The following CPNE4 variants were observed in gnomAD, a reference collection of about 807,000 sequenced individuals.
CPNE4 encodes copine 4.
A neutral mutation model predicts 67.9 loss-of-function variants in CPNE4; 25 were observed. The observed-to-expected ratio is 0.37, with a 90% CI of 0.27 to 0.51. The LOEUF (loss-of-function observed/expected upper bound fraction) is 0.51. CPNE4 is among the 20% of genes least tolerant of loss of function. The pLI, the probability that CPNE4 is intolerant of heterozygous loss-of-function variation, is 0.93. For synonymous variants in CPNE4, 242 were observed against 244.9 expected (o/e 0.99, Z 0.11); for missense variants, 464 against 690.8 (o/e 0.67, Z 3.68).
Position 131,798,881 on chromosome 3 carries a change from A to G in CPNE4, c.181-75256T>C, listed in dbSNP as rs572355843. Among the ~76,000 whole-genome samples the G allele has an allele frequency of 3.9e-5, 6 of 152,274 alleles. No homozygotes were observed. The South Asian group carries it at 1.2e-3, about 32-fold the overall frequency. ...TTCACCAAGAAAAGTGATTACTTGG[A>G]AGCTTTTATTTTTCCATCTTCACTT... On this transcript the variant is annotated intron_variant, in intron 2 of 15. Transcript: ENST00000429747.
chr3:131,760,670 T>C (rs754423279), intron 2 of CPNE4, among the ~76,000 whole-genome samples: 1 of 152,156 alleles, frequency 6.6e-6, no homozygotes, highest in Non-Finnish European at 1.5e-5. Context: ...CATTTTGCTA[T>C]TGAGGATGAT....
At chr3:131,973,437 A>G (rs973792521) in intron 1 of CPNE4, among the ~76,000 whole-genome samples, 7 of 152,356 alleles carry the variant, frequency 4.6e-5, no homozygotes, top group South Asian at 2.1e-4. Flanking sequence ...TGATATTTCT[A>G]TAGCCTCTGA....
chr3:131,734,972 T>C (rs1214541249), intron 2 of CPNE4, among the ~76,000 whole-genome samples: 1 of 152,160 alleles, frequency 6.6e-6, no homozygotes, highest in African/African-American at 2.4e-5. Flanking sequence ...CTATATCACC[T>C]GATTCCTGGT....
In CPNE4 at chr3:131,991,768, G is replaced by A. The variant is rs562350512; in HGVS notation, c.-2+42799C>T. On this transcript the variant is annotated intron_variant, in intron 1 of 15. Coordinates refer to ENST00000429747, the MANE Select transcript of CPNE4 (RefSeq NM_130808.3). ...TCCCATCACAGGCCCAGAGGTCTAG[G>A]AGGGAAAAATTGTTTCCTAGGCTGG... is the stretch of plus-strand genomic sequence containing the variant. Among the ~76,000 whole-genome samples, 176 of 134,938 alleles carry A rather than the reference G, an allele frequency of 1.3e-3. 37 individuals carry two copies. The highest frequency in any genetic ancestry group is 7.6e-3 in the Middle Eastern group (2 of 262). The allele number at this position is 134,938 out of a possible 152,430, so 88.5% of individuals were successfully genotyped here.
rs565384937 is a variant in CPNE4 at position 131,568,932 on chromosome 3, G to GCTTT, written c.928-4587_928-4584dup. Among the ~76,000 whole-genome samples the GCTTT allele has an allele frequency of 1.8e-3, 274 of 152,102 alleles. 1 individual carries two copies. Among genetic ancestry groups the GCTTT allele is most frequent in the African/African-American group, 6.3e-3 (261 of 41,522 alleles). ...ACCTTTGGGACCACATTCTTGGGGA[G>GCTTT]CTTTCTTTCTTTTCTTTTTAAATAG... On this transcript the variant is annotated intron_variant, in intron 10 of 15. Transcript: ENST00000429747.
At chr3:131,707,520 G>A (rs2081443295) in intron 3 of CPNE4, among the ~76,000 whole-genome samples, 2 of 152,082 alleles carry the variant, frequency 1.3e-5, no homozygotes, top group African/African-American at 4.8e-5. Flanking sequence ...ATATTTTTGG[G>A]GGCCACTGTT....
In CPNE4 at chr3:131,549,948, G is replaced by A. The variant is rs1353586941; in HGVS notation, c.1301C>T (p.Ser434Leu). The change falls in exon 14 of 16, where the codon TCG becomes TTG. Residue 434 changes from serine to leucine, a missense_variant and splice_region_variant. Coordinates refer to ENST00000429747, the MANE Select transcript of CPNE4 (RefSeq NM_130808.3). ...ASEETNTKEA[S>L]QYFILLILTD... ...GGAGGCAAATAGCCCCCTCCTTACC[G>A]ATGCCTCCTTGGTGTTAGTTTCCTC... The A allele has an allele frequency of 1.2e-6, 2 of 1,612,862 alleles. No homozygotes were observed. The highest frequency in any genetic ancestry group is 1.7e-6 in the Non-Finnish European group (2 of 1,179,230).
chr3:131,565,252 TA>T (rs1936996260), intron 10 of CPNE4, among the ~76,000 whole-genome samples: 1 of 152,008 alleles, frequency 6.6e-6, no homozygotes, highest in Non-Finnish European at 1.5e-5. Flanking sequence ...GGAAGAAGGT[TA>T]AAATAAAAGT....
chr3:131,938,687 C>T (rs1056265399), intron 1 of CPNE4, among the ~76,000 whole-genome samples: 7 of 152,080 alleles, frequency 4.6e-5, no homozygotes, highest in Non-Finnish European at 8.8e-5. Context: ...CTTGTGCGAA[C>T]TCCCGCACTA....
In CPNE4 at chr3:131,905,341, T is replaced by C. The variant is rs1457179211; in HGVS notation, c.103A>G (p.Ile35Val). The change falls in exon 2 of 16, where the codon ATT becomes GTT. Residue 35 changes from isoleucine (I) to valine (V), a missense_variant. Coordinates refer to ENST00000429747, the MANE Select transcript of CPNE4 (RefSeq NM_130808.3). ...TTGGAAAGGGCATCTCTGTCAGAAA[T>C]GCCTTTGCACGCCACACGCAGCTCA... is the stretch of plus-strand genomic sequence containing the variant. ...KVELRVACKG[I>V]SDRDALSKPD... The C allele has an allele frequency of 6.2e-7, 1 of 1,613,508 alleles. No individual in the cohort carries two copies. The highest frequency in any genetic ancestry group is 8.5e-7 in the Non-Finnish European group (1 of 1,179,726).
intron 7 of CPNE4, among the ~76,000 whole-genome samples, chr3:131,653,350 A>G (rs1045059311): frequency 1.3e-5 from 2 of 151,654 alleles, no homozygotes; most frequent in African/African-American, 4.8e-5. Context: ...GGGTTTCACC[A>G]TGATAGCCAG....
At chr3:131,917,994 C>T (rs879569182) in intron 1 of CPNE4, among the ~76,000 whole-genome samples, 3 of 152,176 alleles carry the variant, frequency 2.0e-5, no homozygotes, top group East Asian at 3.9e-4. Flanking sequence ...AAGAGTAATA[C>T]TCATGGACAA....
At chr3:131,689,058 G>C (rs2080964364) in intron 5 of CPNE4, among the ~76,000 whole-genome samples, 1 of 152,174 alleles carries the variant, frequency 6.6e-6, no homozygotes, top group African/African-American at 2.4e-5. Context: ...TGAAAGAAAG[G>C]TCAAGAATGG....
chr3:131,896,956 G>T (rs2088362150), intron 2 of CPNE4, among the ~76,000 whole-genome samples: 1 of 152,084 alleles, frequency 6.6e-6, no homozygotes, highest in African/African-American at 2.4e-5. Context: ...TTGGTTTAAA[G>T]ACAGGCTTAA....
chr3:131,751,382 A>G (rs375611912), intron 2 of CPNE4, among the ~76,000 whole-genome samples: 5 of 151,950 alleles, frequency 3.3e-5, no homozygotes, highest in East Asian at 1.9e-4. Flanking sequence ...CTATTGTTCT[A>G]TCTTCCAATG....
At chr3:131,540,937 C>T (rs76432907) in intron 15 of CPNE4, among the ~76,000 whole-genome samples, 1,805 of 152,230 alleles carry the variant, frequency 0.012, 29 homozygotes, top group South Asian at 0.054. Context: ...GGATTCTCTT[C>T]TTTTCCAAGG....
At chr3:131,977,743 G>C (rs552251441) in intron 1 of CPNE4, among the ~76,000 whole-genome samples, 1 of 151,894 alleles carries the variant, frequency 6.6e-6, no homozygotes, top group South Asian at 2.1e-4. Context: ...ACATGAGTAA[G>C]TTCTTTAGTG....
chr3:131,954,209 G>A (rs1418149522), intron 1 of CPNE4, among the ~76,000 whole-genome samples: 3 of 151,832 alleles, frequency 2.0e-5, no homozygotes, highest in African/African-American at 7.3e-5. Flanking sequence ...CATAGAGAAT[G>A]GAAGGAAAAA....
Position 131,723,595 on chromosome 3 carries a change from T to C in CPNE4, c.211A>G (p.Ile71Val), listed in dbSNP as rs567857805. Residue 71 changes from isoleucine to valine, a missense_variant, in exon 3 of 16, where the codon ATA becomes GTA. Coordinates refer to ENST00000429747, the MANE Select transcript of CPNE4 (RefSeq NM_130808.3). Reference sequence around the variant, plus strand: ...AACAGTTTTGAGTACACTGGGTTTATGCAGGTGCGAATCACCTCAGTCCTG... The same window carrying C: ...AACAGTTTTGAGTACACTGGGTTTACGCAGGTGCGAATCACCTCAGTCCTG... ...VDRTEVIRTC[I>V]NPVYSKLFTV... 3.7e-6 allele frequency: 6 copies of C among 1,614,126 alleles called. No homozygotes were observed. The South Asian group carries it at 6.6e-5, about 18-fold the overall frequency.
Sources: gnomAD v4.1 joint callset for allele counts (sites outside exome capture counted in the v4.1 genomes callset) on GRCh38, gnomAD v4.1.1 for gene constraint, MANE v1.5 for transcripts, NCBI Gene and HGNC (gene_info 2026-07-23, HGNC 2026-07-21) for gene names.